The following CFAP57 variants were observed in gnomAD, a reference collection of about 807,000 sequenced individuals.
CFAP57 encodes cilia- and flagella-associated protein 57.
CFAP57 carries 116 observed loss-of-function variants against 146.8 expected under a neutral mutation model. The ratio of observed to expected loss-of-function variants is 0.79; its 90% confidence interval spans 0.68 to 0.92. The LOEUF (loss-of-function observed/expected upper bound fraction) is 0.92, where lower values mean the gene tolerates loss of function less well. Ranked by LOEUF, CFAP57 falls within the 40% of genes least tolerant of loss-of-function variation. CFAP57 has a pLI of 0.00. For missense variants in CFAP57, 1,377 were observed against 1,527.2 expected, an observed-to-expected ratio of 0.90 and a Z score of 1.64; for synonymous variants, 518 against 552.8, an observed-to-expected ratio of 0.94 and a Z score of 0.88.
chr1:43,196,950 CA>C (rs1643889597), intron 6 of CFAP57, among the ~76,000 whole-genome samples: 1 of 152,064 alleles, frequency 6.6e-6, no homozygotes, highest in Non-Finnish European at 1.5e-5. Context: ...TAATAAATAA[CA>C]AAAATTGGAA....
intron 9 of CFAP57, among the ~76,000 whole-genome samples, chr1:43,205,488 C>T (rs112194074): frequency 4.0e-4 from 61 of 152,252 alleles, no homozygotes; most frequent in East Asian, 2.7e-3. Context: ...TGTGCACATG[C>T]GTGTGTATGT....
At chr1:43,180,132 G>A (rs1252916831) in intron 2 of CFAP57, among the ~76,000 whole-genome samples, 1 of 151,222 alleles carries the variant, frequency 6.6e-6, no homozygotes, top group Admixed American at 6.6e-5. Flanking sequence ...CCTGAACCTG[G>A]GAGGTGGTGG....
rs756615005 is a variant in CFAP57, at chr1:43,229,203, T to G, written c.3009+2077T>G. 3.4e-5 allele frequency among the ~76,000 whole-genome samples: 5 copies of G among 149,120 alleles called. 1 individual carries two copies. The highest frequency in any genetic ancestry group is 5.0e-5 in the African/African-American group (2 of 39,994). ...TTCCTCATTTGACACATTTGTCAGC[T>G]GCATTTCAGGTCGGGTCCGTTGTTT... On this transcript the variant is annotated intron_variant, in intron 18 of 22. Coordinates refer to ENST00000372492, the MANE Select transcript of CFAP57 (RefSeq NM_001378189.1).
intron 21 of CFAP57, among the ~76,000 whole-genome samples, chr1:43,236,605 A>AAT (rs1444575602): frequency 1.7e-4 from 25 of 149,690 alleles, no homozygotes; most frequent in Admixed American, 1.6e-3. Context: ...AAAAAAAAAA[A>AAT]AAAAAAAAAA....
intron 5 of CFAP57, 141 bp downstream of exon 5, chr1:43,185,497 T>G: frequency 1.3e-6 from 1 of 785,702 alleles, no homozygotes; most frequent in Non-Finnish European, 2.2e-6. Flanking sequence ...TGACTCGAGA[T>G]GTCTGTCCTG....
At chr1:43,187,729 A>G (rs1175809558) in intron 6 of CFAP57, among the ~76,000 whole-genome samples, 1 of 151,912 alleles carries the variant, frequency 6.6e-6, no homozygotes, top group Non-Finnish European at 1.5e-5. Context: ...AGATTTGCCT[A>G]TTCTGGACAT....
chr1:43,199,170 G>A (rs1557759659), intron 8 of CFAP57, among the ~76,000 whole-genome samples: 1 of 152,094 alleles, frequency 6.6e-6, no homozygotes. Context: ...AATGATTTGT[G>A]GGCCTGACAG....
chr1:43,188,050 C>T (rs111347334), intron 6 of CFAP57, among the ~76,000 whole-genome samples: 6,971 of 152,210 alleles, frequency 0.046, 229 homozygotes, highest in African/African-American at 0.09. Flanking sequence ...GCAGTCCACC[C>T]GCCTCATCCT....
At chr1:43,184,001 C>T (rs1645531844) in intron 4 of CFAP57, 124 bp downstream of exon 4, 2 of 1,149,262 alleles carry the variant, frequency 1.7e-6, no homozygotes. Context: ...GCCCATTTTC[C>T]CTCTTCCTCT....
chr1:43,174,692 T>A (rs1196007590), intron 2 of CFAP57, among the ~76,000 whole-genome samples: 1 of 152,156 alleles, frequency 6.6e-6, no homozygotes, highest in Non-Finnish European at 1.5e-5. Context: ...GGCACGTGCC[T>A]GTAGTCCCAG....
In CFAP57 at chr1:43,238,645, G is replaced by A. The variant is rs192712953; in HGVS notation, c.3405+4007G>A. Among the ~76,000 whole-genome samples, 156 of 152,222 alleles carry A rather than the reference G, an allele frequency of 1.0e-3. No individual in the cohort carries two copies. Among genetic ancestry groups the A allele is most frequent in the Non-Finnish European group, 1.8e-3 (122 of 68,016 alleles). ...AAACGGTCGACCTCAATGTGACCTC[G>A]GGACCCCTCGGAACACAGGCCACCC... is the stretch of plus-strand genomic sequence containing the variant. On this transcript the variant is annotated intron_variant, in intron 21 of 22. Transcript: ENST00000372492. This position sits in a 1 kb window ranked among gnomAD's most constrained non-coding sequence, Gnocchi z 4.3.
chr1:43,172,584 ACAAGGGGAGGGG>A, intron 1 of CFAP57, 131 bp downstream of exon 1: 4 of 458,558 alleles, frequency 8.7e-6, no homozygotes, highest in Non-Finnish European at 1.4e-5. Flanking sequence ...AAGGGGAGGG[ACAAGGGGAGGGG>A]AAAGGGGAGG....
intron 2 of CFAP57, among the ~76,000 whole-genome samples, chr1:43,174,375 A>G (rs11210799): frequency 0.2 from 30,766 of 152,116 alleles, 3,620 homozygotes; most frequent in Middle Eastern, 0.3. Flanking sequence ...TTGCTAAATT[A>G]TTATTAATTC....
At chr1:43,246,177 C>A (rs549409243) in intron 22 of CFAP57, among the ~76,000 whole-genome samples, 1 of 152,252 alleles carries the variant, frequency 6.6e-6, no homozygotes, top group South Asian at 2.1e-4. Context: ...AAAATCCATT[C>A]CAAAATTCAT....
chr1:43,222,207 A>G lies in CFAP57; in HGVS notation c.2444A>G (p.Asp815Gly). 6.5e-7 allele frequency: 1 copy of G among 1,540,996 alleles called. No homozygotes were observed. Reference sequence around the variant, plus strand: ...GAAGAGTATGAAAAACAGCTCCGGGATAACGATGAGACCAAGAGCCAGGCC... The same window carrying G: ...GAAGAGTATGAAAAACAGCTCCGGGGTAACGATGAGACCAAGAGCCAGGCC... ...MQEEYEKQLR[D>G]NDETKSQALE... The change falls in exon 15 of 23, where the codon GAT becomes GGT. Residue 815 changes from aspartate to glycine, a missense_variant. Asp to Gly is a moderately conservative substitution (Grantham distance 94). Coordinates refer to ENST00000372492, the MANE Select transcript of CFAP57 (RefSeq NM_001378189.1).
At chr1:43,227,953 G>A (rs510789) in intron 18 of CFAP57, among the ~76,000 whole-genome samples, 143,218 of 152,256 alleles carry the variant, frequency 0.94, 67,503 homozygotes, top group Middle Eastern at 0.99. Context: ...ACCAACATCT[G>A]TCTGATCAAT....
chr1:43,200,550 G>A (rs1644075838), intron 9 of CFAP57, among the ~76,000 whole-genome samples: 1 of 151,940 alleles, frequency 6.6e-6, no homozygotes, highest in Non-Finnish European at 1.5e-5. Context: ...AAAATCACTA[G>A]GTCCTAGAGT....
At chr1:43,248,283 ATCTC>A (rs1646189874) in intron 22 of CFAP57, among the ~76,000 whole-genome samples, 1 of 147,946 alleles carries the variant, frequency 6.8e-6, no homozygotes, top group African/African-American at 2.5e-5. Context: ...CTTTCTTCAC[ATCTC>A]TCTCCCCTAC....
intron 10 of CFAP57, among the ~76,000 whole-genome samples, chr1:43,208,509 C>A (rs983584750): frequency 6.6e-5 from 10 of 152,142 alleles, no homozygotes; most frequent in Admixed American, 5.2e-4. Context: ...GTGGATGAAG[C>A]TGGAAACCAT....
Sources: allele counts gnomAD v4.1 joint callset (sites outside exome capture counted in the v4.1 genomes callset), GRCh38; gene constraint gnomAD v4.1.1; non-coding constraint Gnocchi (gnomAD v3.1); transcripts MANE v1.5; gene names NCBI Gene and HGNC (gene_info 2026-07-23, HGNC 2026-07-21).